Variants in CMC1 observed in about 807,000 individuals in gnomAD.
The protein encoded by CMC1 is COX assembly mitochondrial protein homolog.
In CMC1, 14 loss-of-function variants were observed where a neutral mutation model predicts 14.1. The ratio of observed to expected loss-of-function variants is 0.99; its 90% CI spans 0.66 to 1.55. The LOEUF (loss-of-function observed/expected upper bound fraction) is 1.55. Among genes scored for constraint, CMC1 ranks in the 40% most tolerant of loss-of-function variants. The pLI, the probability that CMC1 is intolerant of heterozygous loss-of-function variation, is 0.00. For synonymous variants in CMC1, 50 were observed against 38.4 expected (o/e 1.30, Z -1.12); for missense variants, 127 against 123.8 (o/e 1.03, Z -0.12).
intron 2 of CMC1, among the ~76,000 whole-genome samples, chr3:28,299,806 AT>A (rs1485907572): frequency 2.0e-5 from 3 of 152,066 alleles, no homozygotes; most frequent in African/African-American, 7.2e-5. Context: ...AAGTATTTTA[AT>A]GTTTATCTTC....
intron 2 of CMC1, among the ~76,000 whole-genome samples, chr3:28,299,861 T>G (rs1281709003): frequency 6.6e-6 from 1 of 152,162 alleles, no homozygotes; most frequent in Admixed American, 6.5e-5. Context: ...GTCTGAAATG[T>G]GGCATGGGCT....
rs747560229 is a variant in CMC1 at position 28,324,003 on chromosome 3, A to G, written c.*4374A>G. The G allele has an allele frequency of 3.0e-5, 47 of 1,544,012 alleles. No individual in the cohort carries two copies. The highest frequency in any genetic ancestry group is 1.8e-4 in the Middle Eastern group (1 of 5,574). ...TTTCTTGGGAGGACCACTGAAAGAG[A>G]TAAGTGTCCTCATGGTGAAATCGTG... On this transcript the variant is annotated 3_prime_UTR_variant, in exon 4 of 4. Coordinates refer to ENST00000466830, the MANE Select transcript of CMC1 (RefSeq NM_182523.2).
At chr3:28,302,628 A>G (rs1012085634) in intron 2 of CMC1, among the ~76,000 whole-genome samples, 1 of 152,182 alleles carries the variant, frequency 6.6e-6, no homozygotes, top group Non-Finnish European at 1.5e-5. Context: ...TAATGTGTAA[A>G]ATCCTTATTT....
chr3:28,244,993 G>A (rs540142064), intron 1 of CMC1, among the ~76,000 whole-genome samples: 5 of 146,094 alleles, frequency 3.4e-5, no homozygotes, highest in South Asian at 2.1e-4. Context: ...TGGTTCATAC[G>A]TTGAAGCTTA....
chr3:28,285,074 T>G (rs111801224), intron 2 of CMC1, among the ~76,000 whole-genome samples: 13 of 152,310 alleles, frequency 8.5e-5, no homozygotes, highest in African/African-American at 3.1e-4. Context: ...AGAAATTGCT[T>G]TGTGATTATT....
chr3:28,270,194 A>G (rs1399193194), intron 2 of CMC1, among the ~76,000 whole-genome samples: 1 of 152,074 alleles, frequency 6.6e-6, no homozygotes, highest in African/African-American at 2.4e-5. Flanking sequence ...TGTCTTTGCT[A>G]TTGTGAATAG....
intron 2 of CMC1, among the ~76,000 whole-genome samples, chr3:28,276,906 T>G (rs1324623515): frequency 6.6e-6 from 1 of 152,200 alleles, no homozygotes; most frequent in Non-Finnish European, 1.5e-5. Flanking sequence ...TGAAGCGTAA[T>G]GTACAAAAGA....
chr3:28,312,181 G>T (rs1175809637), intron 2 of CMC1, among the ~76,000 whole-genome samples: 1 of 152,116 alleles, frequency 6.6e-6, no homozygotes, highest in East Asian at 1.9e-4. Context: ...ATATGCCTTT[G>T]CTTTTTGTAA....
intron 1 of CMC1, among the ~76,000 whole-genome samples, chr3:28,255,378 C>G (rs921180375): frequency 4.0e-5 from 6 of 151,642 alleles, no homozygotes; most frequent in African/African-American, 1.5e-4. Flanking sequence ...GAAGCTGGGA[C>G]TATAGATGCG....
intron 2 of CMC1, among the ~76,000 whole-genome samples, chr3:28,293,756 AT>A (rs984338845): frequency 9.2e-5 from 14 of 151,644 alleles, no homozygotes; most frequent in African/African-American, 3.2e-4. Flanking sequence ...GAATTTTTGT[AT>A]TTTTAGTAGA....
intron 1 of CMC1, 200 bp downstream of exon 1, chr3:28,242,012 GT>G: frequency 2.2e-6 from 1 of 449,174 alleles, no homozygotes; most frequent in Non-Finnish European, 3.7e-6. Context: ...GTTATCTGAG[GT>G]TGCGTTTGTT....
intron 2 of CMC1, among the ~76,000 whole-genome samples, chr3:28,300,649 A>ATCCGTTTCCC (rs1701986050): frequency 2.6e-5 from 1 of 38,294 alleles, no homozygotes; most frequent in Non-Finnish European, 4.8e-5. Flanking sequence ...CCCTCCCTCC[A>ATCCGTTTCCC]TCCCTTTCCC....
chr3:28,264,759 A>G (rs1003947275), intron 2 of CMC1, among the ~76,000 whole-genome samples: 12 of 152,312 alleles, frequency 7.9e-5, no homozygotes, highest in East Asian at 1.9e-4. Flanking sequence ...ATAAAGTTGT[A>G]GGGCTTTTTA....
chr3:28,293,548 C>T (rs111841295), intron 2 of CMC1, among the ~76,000 whole-genome samples: 186 of 152,174 alleles, frequency 1.2e-3, no homozygotes, highest in African/African-American at 4.3e-3. Context: ...GGCTTATGTT[C>T]TAGATTTTAA....
chr3:28,316,197 A>T (rs1702903443), intron 2 of CMC1, 136 bp from the exon 3 acceptor site: 1 of 527,462 alleles, frequency 1.9e-6, no homozygotes, highest in Non-Finnish European at 3.3e-6. Flanking sequence ...GGCTGCAGTG[A>T]GCTATAATCA....
intron 2 of CMC1, among the ~76,000 whole-genome samples, chr3:28,268,591 A>T (rs976105297): frequency 2.0e-5 from 3 of 152,186 alleles, no homozygotes; most frequent in African/African-American, 4.8e-5. Context: ...GGGCACAGTG[A>T]GCCACTCTTA....
In CMC1 at chr3:28,274,206, G is replaced by GTTTTTTTTTTTTTTTTTTTTTTTT. The variant is rs1265139321; in HGVS notation, c.109+10831_109+10832insTTTTTTTTTTTTTTTTTTTTTTTT. On this transcript the variant is annotated intron_variant, in intron 2 of 3. Transcript: ENST00000466830. ...GTGTCATTGGTCTTTGTACTAAAGT[G>GTTTTTTTTTTTTTTTTTTTTTTTT]TTTTTGTTTTTTTCTTTTTTTTTTT... Among the ~76,000 whole-genome samples the GTTTTTTTTTTTTTTTTTTTTTTTT allele has an allele frequency of 7.1e-4, 59 of 83,066 alleles. 7 individuals are homozygous for GTTTTTTTTTTTTTTTTTTTTTTTT. Among genetic ancestry groups the GTTTTTTTTTTTTTTTTTTTTTTTT allele is most frequent in the Admixed American group, 2.9e-3 (21 of 7,354 alleles). The allele number at this position is 83,066 out of a possible 152,430, so 54.5% of individuals were successfully genotyped here.
chr3:28,243,196 C>T (rs912795152), intron 1 of CMC1, among the ~76,000 whole-genome samples: 3 of 152,032 alleles, frequency 2.0e-5, no homozygotes, highest in African/African-American at 4.8e-5. Context: ...GCTGGGATTA[C>T]GGGCGCCCGC....
At chr3:28,308,531 T>A (rs1240264762) in intron 2 of CMC1, among the ~76,000 whole-genome samples, 1 of 152,218 alleles carries the variant, frequency 6.6e-6, no homozygotes, top group Non-Finnish European at 1.5e-5. Context: ...CAATAAGTTA[T>A]ATATTGAATC....
Sources: gnomAD v4.1 joint callset for allele counts (sites outside exome capture counted in the v4.1 genomes callset) on GRCh38, gnomAD v4.1.1 for gene constraint, MANE v1.5 for transcripts, NCBI Gene and HGNC (gene_info 2026-07-23, HGNC 2026-07-21) for gene names.